The following DYM variants were observed in gnomAD, a reference collection of about 807,000 sequenced individuals.
DYM encodes dyggve-Melchior-Clausen syndrome protein.
DYM carries 78 observed loss-of-function variants against 93.1 expected under a neutral mutation model. That is an observed-to-expected ratio of 0.84 (90% confidence interval 0.70 to 1.01). The LOEUF is 1.01. DYM is among the 50% of genes least tolerant of loss of function. The pLI is 0.00. For missense variants in DYM, 789 were observed against 845.0 expected, an observed-to-expected ratio of 0.93 and a Z score of 0.82; for synonymous variants, 321 against 319.7, an observed-to-expected ratio of 1.00 and a Z score of -0.04.
At chr18:49,317,820 G>A (rs2062131889) in intron 8 of DYM, among the ~76,000 whole-genome samples, 1 of 151,710 alleles carries the variant, frequency 6.6e-6, no homozygotes, top group South Asian at 2.1e-4. Flanking sequence ...ACAAAGGCTT[G>A]ATGGCATTCA....
intron 10 of DYM, among the ~76,000 whole-genome samples, chr18:49,274,727 CTAA>C (rs758871524): frequency 4.2e-4 from 64 of 152,076 alleles, no homozygotes; most frequent in Non-Finnish European, 7.1e-4. Flanking sequence ...TACCTGATGA[CTAA>C]TAATGTCAAG....
At chr18:49,457,407 C>T (rs977467962) in intron 1 of DYM, among the ~76,000 whole-genome samples, 1 of 152,142 alleles carries the variant, frequency 6.6e-6, no homozygotes, top group Non-Finnish European at 1.5e-5. Flanking sequence ...TATAGAAAAA[C>T]TTTACATGGA....
chr18:49,098,908 T>C (rs895947337), intron 16 of DYM, among the ~76,000 whole-genome samples: 1 of 152,196 alleles, frequency 6.6e-6, no homozygotes, highest in African/African-American at 2.4e-5. Context: ...TATGCAACAA[T>C]GAATACACAA....
At chr18:49,245,508 G>C (rs2094144120) in intron 13 of DYM, among the ~76,000 whole-genome samples, 2 of 152,166 alleles carry the variant, frequency 1.3e-5, no homozygotes, top group African/African-American at 4.8e-5. Context: ...ATGCCGTTGA[G>C]ATAAGGACTG....
chr18:49,052,800 C>T (rs941012264), intron 17 of DYM, among the ~76,000 whole-genome samples: 3 of 152,214 alleles, frequency 2.0e-5, no homozygotes, highest in East Asian at 3.8e-4. Context: ...AGGACTTAGA[C>T]TAAAGCTCTG....
chr18:49,424,800 C>T (rs1461729547), intron 2 of DYM, among the ~76,000 whole-genome samples: 3 of 152,062 alleles, frequency 2.0e-5, no homozygotes, highest in African/African-American at 7.2e-5. Context: ...ACAATTGCTT[C>T]AAAGAGAATA....
chr18:49,047,328 T>C (rs1197442901), intron 17 of DYM, among the ~76,000 whole-genome samples: 1 of 152,206 alleles, frequency 6.6e-6, no homozygotes, highest in African/African-American at 2.4e-5. Context: ...TTTGCCATCA[T>C]CAGCGCAGGC....
chr18:49,428,502 T>C (rs1008412584), intron 2 of DYM, among the ~76,000 whole-genome samples: 6 of 152,054 alleles, frequency 3.9e-5, no homozygotes, highest in Non-Finnish European at 7.4e-5. Flanking sequence ...CTGGCCAACA[T>C]GGTGACATCT....
At chr18:49,082,618 C>A (rs529065670) in intron 17 of DYM, among the ~76,000 whole-genome samples, 1 of 152,164 alleles carries the variant, frequency 6.6e-6, no homozygotes, top group Admixed American at 6.5e-5. Context: ...CACAAGGTAG[C>A]AGGAGATAAA....
At chr18:49,075,689 C>T (rs895764235) in intron 17 of DYM, among the ~76,000 whole-genome samples, 4 of 152,054 alleles carry the variant, frequency 2.6e-5, no homozygotes, top group African/African-American at 9.7e-5. Flanking sequence ...AGAATTTTTC[C>T]AACACGGAAA....
intron 8 of DYM, among the ~76,000 whole-genome samples, chr18:49,295,984 G>A (rs575129682): frequency 2.0e-5 from 3 of 152,162 alleles, no homozygotes; most frequent in African/African-American, 4.8e-5. Flanking sequence ...GTGCAGTGGC[G>A]TGATCTCGCT....
At chr18:49,223,704 G>T (rs1040399263) in intron 13 of DYM, among the ~76,000 whole-genome samples, 1 of 152,020 alleles carries the variant, frequency 6.6e-6, no homozygotes, top group Non-Finnish European at 1.5e-5. Context: ...ATAGGTAAGG[G>T]AAAGTTTCCT....
chr18:49,242,913 G>A (rs767278543), intron 13 of DYM, among the ~76,000 whole-genome samples: 39 of 152,148 alleles, frequency 2.6e-4, no homozygotes, highest in Non-Finnish European at 3.4e-4. Context: ...TATTAGCCAG[G>A]ATGGTCTCGA....
intron 13 of DYM, among the ~76,000 whole-genome samples, chr18:49,231,231 A>G (rs936060428): frequency 5.3e-5 from 8 of 152,172 alleles, no homozygotes; most frequent in East Asian, 1.9e-4. Flanking sequence ...CTTTCTTCCA[A>G]TGAAAGCTGA....
intron 8 of DYM, among the ~76,000 whole-genome samples, chr18:49,322,457 T>C (rs1030989797): frequency 3.3e-5 from 5 of 151,994 alleles, no homozygotes; most frequent in Non-Finnish European, 5.9e-5. Flanking sequence ...GAGAAAAATA[T>C]ATTAAAAGAA....
chr18:49,127,716 G>A (rs1302229098), intron 15 of DYM, among the ~76,000 whole-genome samples: 2 of 152,158 alleles, frequency 1.3e-5, no homozygotes. Context: ...CTAATTCACT[G>A]GTGCACACAC....
At chr18:49,197,780 A>G (rs1290019835) in intron 14 of DYM, among the ~76,000 whole-genome samples, 1 of 152,194 alleles carries the variant, frequency 6.6e-6, no homozygotes, top group Non-Finnish European at 1.5e-5. Context: ...AGGAAGAATC[A>G]ATATCATGAA....
chr18:49,312,697 C>G (rs971420238), intron 8 of DYM, among the ~76,000 whole-genome samples: 6 of 152,152 alleles, frequency 3.9e-5, no homozygotes, highest in Non-Finnish European at 8.8e-5. Flanking sequence ...AACATGGGTA[C>G]AAGCTATAAC....
chr18:49,306,214 G>A (rs189945119), intron 8 of DYM, among the ~76,000 whole-genome samples: 140 of 152,298 alleles, frequency 9.2e-4, no homozygotes, highest in African/African-American at 3.2e-3. Context: ...AAGAAGAAAG[G>A]TGAATAGCAG....
Sources: gnomAD v4.1 joint callset for allele counts (sites outside exome capture counted in the v4.1 genomes callset) on GRCh38, gnomAD v4.1.1 for gene constraint, MANE v1.5 for transcripts, NCBI Gene and HGNC (gene_info 2026-07-23, HGNC 2026-07-21) for gene names.